The following ROR2 variants were observed in gnomAD, a reference collection of about 807,000 sequenced individuals.
The protein encoded by ROR2 is tyrosine-protein kinase transmembrane receptor ROR2.
In ROR2, 33 loss-of-function variants were observed where a neutral mutation model predicts 74.9. That is an observed-to-expected ratio of 0.44 (90% CI 0.33 to 0.59). The LOEUF is 0.59. Ranked by LOEUF, ROR2 falls within the 20% of genes least tolerant of loss-of-function variation. The probability of loss-of-function intolerance (pLI) is 0.02; values close to 1 mark genes in which losing one functional copy is unlikely to be tolerated. For synonymous variants in ROR2, 586 were observed against 558.7 expected, an observed-to-expected ratio of 1.05 and a Z score of -0.69; for missense variants, 1,216 against 1,313.8, an observed-to-expected ratio of 0.93 and a Z score of 1.15.
intron 1 of ROR2, among the ~76,000 whole-genome samples, chr9:91,824,745 G>T (rs1043042143): frequency 6.6e-6 from 1 of 152,144 alleles, no homozygotes; most frequent in East Asian, 1.9e-4. Flanking sequence ...CATCGGGGTG[G>T]GACACACACA....
chr9:91,907,463 A>G (rs1222070569), intron 1 of ROR2, among the ~76,000 whole-genome samples: 2 of 152,148 alleles, frequency 1.3e-5, no homozygotes, highest in Admixed American at 6.5e-5. Flanking sequence ...TCTTTTTAGG[A>G]TATCAGCACG....
intron 1 of ROR2, among the ~76,000 whole-genome samples, chr9:91,869,299 C>G (rs1437485728): frequency 6.6e-6 from 1 of 152,156 alleles, no homozygotes; most frequent in Non-Finnish European, 1.5e-5. Context: ...TCAAGCAATC[C>G]TCCCACCTCA....
intron 2 of ROR2, among the ~76,000 whole-genome samples, chr9:91,771,722 T>TTC (rs34716594): frequency 0.11 from 16,417 of 150,834 alleles, 1,068 homozygotes; most frequent in Middle Eastern, 0.16. Flanking sequence ...CCTCTCTCTC[T>TTC]TCTCTCTCTC....
chr9:91,844,838 C>T (rs1397640261), intron 1 of ROR2, among the ~76,000 whole-genome samples: 1 of 152,158 alleles, frequency 6.6e-6, no homozygotes, highest in Non-Finnish European at 1.5e-5. Flanking sequence ...AATAGCAAGC[C>T]TCGCCCCAGG....
intron 1 of ROR2, among the ~76,000 whole-genome samples, chr9:91,910,409 T>C (rs1830945648): frequency 6.6e-6 from 1 of 152,198 alleles, no homozygotes; most frequent in South Asian, 2.1e-4. Context: ...TATGGGAATC[T>C]ATGCTTAAAT....
At position 91,722,628 on chromosome 9, in the gene ROR2, C is replaced by T. The variant is rs113891167; in HGVS notation, c.*1034G>A. ...CTTTGTTTCACTTTATTGGATACAC[C>T]GGGTGTGGGATTTACAAATAGGACC... On this transcript the variant is annotated 3_prime_UTR_variant, in exon 9 of 9. Transcript: ENST00000375708. 1.9e-5 allele frequency: 15 copies of T among 779,778 alleles called. No individual in the cohort carries two copies. The highest frequency in any genetic ancestry group is 7.3e-5 in the East Asian group (3 of 41,246). The allele number at this position is 779,778 out of a possible 1,614,324, so 48.3% of individuals were successfully genotyped here.
At chr9:91,926,478 G>A (rs1228377274) in intron 1 of ROR2, among the ~76,000 whole-genome samples, 4 of 146,068 alleles carry the variant, frequency 2.7e-5, no homozygotes, top group Admixed American at 7.3e-5. Flanking sequence ...CCCGGGAGGT[G>A]GAGGTAGCAG....
intron 1 of ROR2, among the ~76,000 whole-genome samples, chr9:91,926,180 G>A (rs576678609): frequency 2.7e-4 from 41 of 151,650 alleles, no homozygotes; most frequent in Middle Eastern, 3.4e-3. Context: ...AGGAGATCGA[G>A]ACCATCCTGG....
chr9:91,749,864 G>C (rs1475891448), intron 4 of ROR2, among the ~76,000 whole-genome samples: 3 of 152,152 alleles, frequency 2.0e-5, no homozygotes, highest in African/African-American at 7.2e-5. Context: ...CATATACCTA[G>C]AAATTATTTT....
At chr9:91,873,231 C>G (rs540924235) in intron 1 of ROR2, among the ~76,000 whole-genome samples, 2 of 152,280 alleles carry the variant, frequency 1.3e-5, no homozygotes, top group East Asian at 3.9e-4. Context: ...CTGTGTGCAT[C>G]GGGCCCATGT....
intron 1 of ROR2, among the ~76,000 whole-genome samples, chr9:91,931,207 ATC>A (rs1394184902): frequency 6.6e-6 from 1 of 152,234 alleles, no homozygotes; most frequent in Non-Finnish European, 1.5e-5. Flanking sequence ...TATATTTAAA[ATC>A]TGTCTGAATC....
intron 4 of ROR2, among the ~76,000 whole-genome samples, chr9:91,747,569 A>G (rs950262996): frequency 1.8e-4 from 27 of 152,226 alleles, no homozygotes; most frequent in African/African-American, 6.3e-4. Context: ...CTTGACCAAC[A>G]ATGAAAGAAT....
intron 5 of ROR2, among the ~76,000 whole-genome samples, chr9:91,734,534 G>T (rs1350430280): frequency 6.6e-6 from 1 of 152,172 alleles, no homozygotes; most frequent in South Asian, 2.1e-4. Context: ...AGGAAAGCGT[G>T]TAAGTGCTGT....
intron 1 of ROR2, among the ~76,000 whole-genome samples, chr9:91,837,415 T>C (rs1312027662): frequency 1.3e-5 from 2 of 152,170 alleles, no homozygotes; most frequent in Non-Finnish European, 2.9e-5. Flanking sequence ...TGAGATCACA[T>C]CACATCCACT....
intron 1 of ROR2, among the ~76,000 whole-genome samples, chr9:91,877,099 G>A (rs560370152): frequency 6.2e-4 from 95 of 152,292 alleles, no homozygotes; most frequent in African/African-American, 2.1e-3. Flanking sequence ...GCAGCACAGG[G>A]TGCTGGGAAG....
chr9:91,873,649 T>C (rs1490553303), intron 1 of ROR2, among the ~76,000 whole-genome samples: 1 of 152,152 alleles, frequency 6.6e-6, no homozygotes, highest in Non-Finnish European at 1.5e-5. Context: ...GCCTTCTTTG[T>C]TGCAATCCCA....
chr9:91,724,478 G>A lies in ROR2; in HGVS notation c.2016C>T (p.Asp672=). Residue 672 remains aspartate, a synonymous_variant, in exon 9 of 9, where the codon GAC becomes GAT. Transcript: ENST00000375708. ...CCACACCGTAGGACCAGATGTCTGA[G>A]TCGATGGAGAACTTGCCGTACATGA... ...EAIMYGKFSI[D]SDIWSYGVVL... 1 of 1,614,226 alleles carries A rather than the reference G, an allele frequency of 6.2e-7. No homozygotes were observed. The highest frequency in any genetic ancestry group is 8.5e-7 in the Non-Finnish European group (1 of 1,180,032).
chr9:91,901,234 T>C (rs150697787), intron 1 of ROR2, among the ~76,000 whole-genome samples: 1 of 152,356 alleles, frequency 6.6e-6, no homozygotes, highest in Non-Finnish European at 1.5e-5. Context: ...GCATATTTAG[T>C]ATAAGTTAGA....
In ROR2 at chr9:91,832,043, T is replaced by C. The variant is rs555568304; in HGVS notation, c.98-56225A>G. ...CTGTTTGGACTTGCAAGCTGACCAC[T>C]GGTGGGCTTGACCATAAAGTCACCA... On this transcript the variant is annotated intron_variant, in intron 1 of 8. Transcript: ENST00000375708. 3.3e-5 allele frequency among the ~76,000 whole-genome samples: 5 copies of C among 152,246 alleles called. No homozygotes were observed. In the South Asian group the frequency reaches 1.0e-3, roughly 32 times the overall value.
Sources: allele counts gnomAD v4.1 joint callset (sites outside exome capture counted in the v4.1 genomes callset), GRCh38; gene constraint gnomAD v4.1.1; transcripts MANE v1.5; gene names NCBI Gene and HGNC (gene_info 2026-07-23, HGNC 2026-07-21).